The following TFAP2A variants were observed in gnomAD, a reference collection of about 807,000 sequenced individuals.
TFAP2A encodes transcription factor AP-2 alpha.
TFAP2A carries 7 observed loss-of-function variants against 41.5 expected under a neutral mutation model. The ratio of observed to expected loss-of-function variants is 0.17; its 90% CI spans 0.10 to 0.32. The LOEUF (loss-of-function observed/expected upper bound fraction) is 0.32. Among genes scored for constraint, TFAP2A ranks in the 10% least tolerant of loss-of-function variants. The pLI is 1.00. For synonymous variants in TFAP2A, 247 were observed against 242.8 expected (o/e 1.02, Z -0.16); for missense variants, 416 against 563.3 (o/e 0.74, Z 2.65).
rs943968996 is a variant in TFAP2A, at chr6:10,411,167, A to G, written c.52-832T>C. On this transcript the variant is annotated intron_variant, in intron 1 of 6. Coordinates refer to ENST00000379613, the MANE Select transcript of TFAP2A (RefSeq NM_001372066.1). ...AGAGAGTTGATTCCAGAGACCGCGAACCCTCGGCGGTTCGGCCGCAGGTCC... is the reference window on the plus strand; with the variant it reads ...AGAGAGTTGATTCCAGAGACCGCGAGCCCTCGGCGGTTCGGCCGCAGGTCC... The G allele has an allele frequency of 4.0e-5, 8 of 200,880 alleles. No homozygotes were observed. In the South Asian group the frequency reaches 6.2e-4, roughly 15 times the overall value. 12.4% of individuals were successfully genotyped at this position (200,880 alleles called of 1,614,324 possible). A position where few individuals can be genotyped will look rare whatever the true frequency, so the allele number is the denominator to read the frequency against.
At position 10,411,486 on chromosome 6, in the gene TFAP2A, C is replaced by A. The variant is rs929830921; in HGVS notation, c.52-1151G>T. 4 of 1,607,698 alleles carry A rather than the reference C, an allele frequency of 2.5e-6. No homozygotes were observed. The African/African-American group carries it at 5.4e-5, about 22-fold the overall frequency. On this transcript the variant is annotated intron_variant, in intron 1 of 6. Coordinates refer to ENST00000379613, the MANE Select transcript of TFAP2A (RefSeq NM_001372066.1). ...CTGAAGGAAAGCTGGGCGTGAAACCCGAGGTTTCGGGCAGCTCCACGGCAC... is the reference window on the plus strand; with the variant it reads ...CTGAAGGAAAGCTGGGCGTGAAACCAGAGGTTTCGGGCAGCTCCACGGCAC...
chr6:10,405,849 A>G (rs906289808), intron 3 of TFAP2A: 1 of 152,238 alleles, frequency 6.6e-6, no homozygotes. Context: ...GGAGGCTAAT[A>G]GAGACAATAG....
intron 4 of TFAP2A, among the ~76,000 whole-genome samples, chr6:10,402,897 G>A (rs1174703667): frequency 6.6e-6 from 1 of 152,208 alleles, no homozygotes; most frequent in Non-Finnish European, 1.5e-5. Flanking sequence ...AACAAACACA[G>A]CCCCATCTCT....
At chr6:10,411,474 G>A in intron 1 of TFAP2A, 2 of 1,609,728 alleles carry the variant, frequency 1.2e-6, no homozygotes, top group Admixed American at 1.7e-5. Context: ...AAGGAAAGCT[G>A]GGCGTGAAAC....
At chr6:10,409,325 A>G (rs1757847956) in intron 2 of TFAP2A, 1 of 153,622 alleles carries the variant, frequency 6.5e-6, no homozygotes, top group African/African-American at 2.4e-5. Flanking sequence ...TAGCACCCCT[A>G]GTAAGAAGAA....
intron 3 of TFAP2A, 124 bp downstream of exon 3, chr6:10,406,669 C>G (rs1195923136): frequency 1.2e-6 from 1 of 830,042 alleles, no homozygotes; most frequent in East Asian, 2.5e-5. Flanking sequence ...CTGTGCCTAT[C>G]TATTTGCTAA....
At position 10,410,227 on chromosome 6, in the gene TFAP2A, C is replaced by T. The variant is rs1443395951; in HGVS notation, c.160G>A (p.Asp54Asn). 3 of 1,351,556 alleles carry T rather than the reference C, an allele frequency of 2.2e-6. No individual in the cohort carries two copies. The highest frequency in any genetic ancestry group is 5.7e-5 in the East Asian group (2 of 35,348). The allele number at this position is 1,351,556 out of a possible 1,614,324, so 83.7% of individuals were successfully genotyped here. A position where few individuals can be genotyped will look rare whatever the true frequency, so the allele number is the denominator to read the frequency against. Reference sequence around the variant, plus strand: ...GGGGGGAAGTATGGGGGCTGGAAGTCGGCATTGGGGGTGTGGGACAGCGGC... The same window carrying T: ...GGGGGGAAGTATGGGGGCTGGAAGTTGGCATTGGGGGTGTGGGACAGCGGC... ...APPLSHTPNA[D>N]FQPPYFPPPY... is the part of the protein sequence containing the mutation. Residue 54 changes from aspartate (D) to asparagine (N), a missense_variant, in exon 2 of 7, where the codon GAC becomes AAC. Asp to Asn is a conservative substitution (Grantham distance 23). This residue lies in a region of TFAP2A where 241 missense variants were observed against 274.1 expected (regional missense o/e 0.88). Transcript: ENST00000379613.
intron 1 of TFAP2A, 26 bp from the exon 2 acceptor site, chr6:10,410,361 A>C (rs1757907580): frequency 6.3e-7 from 1 of 1,589,894 alleles, no homozygotes; most frequent in Non-Finnish European, 8.6e-7. Flanking sequence ...AGGAAAGGTA[A>C]AGAACAAGGA....
At chr6:10,412,315 G>C (rs1273730596) in intron 1 of TFAP2A, 1 of 984,632 alleles carries the variant, frequency 1.0e-6, no homozygotes, top group Non-Finnish European at 1.2e-6. Context: ...GAAAGAGAAA[G>C]AGGCAGAGAG....
intron 1 of TFAP2A, chr6:10,412,080 G>A: frequency 2.0e-6 from 2 of 996,870 alleles, no homozygotes; most frequent in Non-Finnish European, 2.4e-6. Flanking sequence ...AAGAATGCCT[G>A]GAAATCGAGC....
intron 2 of TFAP2A, chr6:10,407,378 C>T (rs557801191): frequency 6.5e-6 from 1 of 154,008 alleles, no homozygotes; most frequent in South Asian, 2.0e-4. Flanking sequence ...AGAAAGACTA[C>T]TGCCTAAGCC....
Position 10,404,658 on chromosome 6 carries a change from A to G in TFAP2A, c.620T>C (p.Val207Ala). The change falls in exon 4 of 7, where the codon GTG becomes GCG. Residue 207 changes from valine (V) to alanine (A), a missense_variant. Transcript: ENST00000379613. ...INKDNLFGGV[V>A]NPNEVFCSVP... ...TGAACAGAAGACTTCGTTGGGGTTC[A>G]CCACGCCGCCGAAGAGGTTGTCCTT... 6.2e-7 allele frequency: 1 copy of G among 1,614,186 alleles called. No individual in the cohort carries two copies. Among genetic ancestry groups the G allele is most frequent in the Non-Finnish European group, 8.5e-7 (1 of 1,180,026 alleles).
Position 10,398,651 on chromosome 6 carries a change from C to T in TFAP2A, c.1086G>A (p.Gly362=). The change falls in exon 7 of 7, where the codon GGG becomes GGA. Residue 362 remains glycine, a synonymous_variant. Coordinates refer to ENST00000379613, the MANE Select transcript of TFAP2A (RefSeq NM_001372066.1). This position sits in a 1 kb window ranked among gnomAD's most constrained non-coding sequence, Gnocchi z 5.3. Reference sequence around the variant, plus strand: ...CCAGGATGGGGTTGGGCCGTGAGTTCCCCAGGGGAGATCGGTCCTGAGCCA... The same window carrying T: ...CCAGGATGGGGTTGGGCCGTGAGTTTCCCAGGGGAGATCGGTCCTGAGCCA... ...DLLAQDRSPL[G]NSRPNPILEP... The T allele has an allele frequency of 1.2e-5, 19 of 1,614,188 alleles. No homozygotes were observed. Among genetic ancestry groups the T allele is most frequent in the Non-Finnish European group, 1.6e-5 (19 of 1,180,026 alleles).
At position 10,398,015 on chromosome 6, in the gene TFAP2A, CT is replaced by C. The variant is rs1022531195; in HGVS notation, c.*401del. 1.2e-4 allele frequency: 129 copies of C among 1,052,984 alleles called. No individual in the cohort carries two copies. The highest frequency in any genetic ancestry group is 4.1e-4 in the Admixed American group (8 of 19,542). The allele number at this position is 1,052,984 out of a possible 1,614,324, so 65.2% of individuals were successfully genotyped here. ...GCGCATATAATTTTTTTTATTTTCA[CT>C]TTTTTTTTAGAAAAAAGTTTTTAAT... On this transcript the variant is annotated 3_prime_UTR_variant, in exon 7 of 7. Coordinates refer to ENST00000379613, the MANE Select transcript of TFAP2A (RefSeq NM_001372066.1). This position sits in a 1 kb window ranked among gnomAD's most constrained non-coding sequence, Gnocchi z 5.3.
At chr6:10,414,860 T>C in intron 1 of TFAP2A, 81 bp downstream of exon 1, 1 of 1,589,816 alleles carries the variant, frequency 6.3e-7, no homozygotes, top group Non-Finnish European at 8.6e-7. Context: ...TCGCAGCTGG[T>C]TGCAAGGAGA....
In TFAP2A at chr6:10,409,493, AT is replaced by A. The variant is rs369526831; in HGVS notation, c.486+407del. The A allele has an allele frequency of 1.4e-3, 302 of 218,178 alleles. 1 individual carries two copies. The highest frequency in any genetic ancestry group is 6.7e-3 in the African/African-American group (287 of 43,082). 13.5% of individuals were successfully genotyped at this position (218,178 alleles called of 1,614,324 possible). ...ACACTTCCTTTTACATTTTGAGGAC[AT>A]TTAATGAGCTCTTTTGGTTGCATTT... On this transcript the variant is annotated intron_variant, in intron 2 of 6. Coordinates refer to ENST00000379613, the MANE Select transcript of TFAP2A (RefSeq NM_001372066.1).
At chr6:10,416,309 G>A (rs940393227), upstream of TFAP2A, 2 of 152,190 alleles carry the variant, frequency 1.3e-5, no homozygotes, top group Non-Finnish European at 2.9e-5. Context: ...GGAACCTGGA[G>A]GCCTGGGAGC....
chr6:10,415,156 A>G, upstream of TFAP2A: 5 of 1,521,930 alleles, frequency 3.3e-6, no homozygotes, highest in Non-Finnish European at 4.4e-6. Flanking sequence ...GGCAAGGAGG[A>G]GGAGGAGGAA....
chr6:10,406,766 C>T, intron 3 of TFAP2A, 27 bp downstream of exon 3: 1 of 1,596,888 alleles, frequency 6.3e-7, no homozygotes, highest in Non-Finnish European at 8.6e-7. Flanking sequence ...TAAGGACATG[C>T]TTGGAATGCA....
Sources: gnomAD v4.1 joint callset for allele counts (sites outside exome capture counted in the v4.1 genomes callset) on GRCh38, gnomAD v4.1.1 for gene constraint, gnomAD v4.1.1 regional missense constraint, Gnocchi (gnomAD v3.1) non-coding constraint, MANE v1.5 for transcripts, NCBI Gene and HGNC (gene_info 2026-07-23, HGNC 2026-07-21) for gene names.